Variants in CDH12 observed in about 807,000 individuals in gnomAD.
CDH12 encodes the protein cadherin 12.
In CDH12, 41 loss-of-function variants were observed where a neutral mutation model predicts 74.1. That is an observed-to-expected ratio of 0.55 (90% CI 0.43 to 0.72). The LOEUF is 0.72. CDH12 is among the 30% of genes least tolerant of loss of function. The pLI is 0.00. For missense variants in CDH12, 945 were observed against 977.2 expected, an observed-to-expected ratio of 0.97 and a Z score of 0.44; for synonymous variants, 399 against 355.0, an observed-to-expected ratio of 1.12 and a Z score of -1.39.
chr5:22,424,504 C>G (rs182429072), intron 2 of CDH12, among the ~76,000 whole-genome samples: 6 of 152,270 alleles, frequency 3.9e-5, no homozygotes, highest in Non-Finnish European at 8.8e-5. Context: ...CAACTGCCAC[C>G]AGAAAGTCTA....
At chr5:22,647,735 C>G (rs562120980) in intron 1 of CDH12, among the ~76,000 whole-genome samples, 85 of 151,920 alleles carry the variant, frequency 5.6e-4, no homozygotes, top group African/African-American at 2.0e-3. Context: ...TTAGGGGACA[C>G]AATAGCAAGT....
At chr5:22,045,192 G>A (rs76099655) in intron 5 of CDH12, among the ~76,000 whole-genome samples, 2,722 of 152,238 alleles carry the variant, frequency 0.018, 41 homozygotes, top group African/African-American at 0.04. Context: ...GTGATGAAAT[G>A]CTTAATATAG....
At chr5:22,741,327 A>G (rs1745014611) in intron 1 of CDH12, among the ~76,000 whole-genome samples, 1 of 152,182 alleles carries the variant, frequency 6.6e-6, no homozygotes, top group Non-Finnish European at 1.5e-5. Context: ...TAATTTTAAC[A>G]TGCATGTTTC....
chr5:21,820,077 C>T (rs1203925095), intron 8 of CDH12, among the ~76,000 whole-genome samples: 4 of 151,764 alleles, frequency 2.6e-5, no homozygotes, highest in African/African-American at 9.7e-5. Context: ...GAGTTGAGAT[C>T]CTCCAATATG....
At chr5:21,968,899 G>A (rs1756706942) in intron 6 of CDH12, among the ~76,000 whole-genome samples, 1 of 151,802 alleles carries the variant, frequency 6.6e-6, no homozygotes, top group Non-Finnish European at 1.5e-5. Flanking sequence ...AACACCACGT[G>A]TTGTCTCTTA....
intron 3 of CDH12, among the ~76,000 whole-genome samples, chr5:22,249,631 A>G (rs940775754): frequency 6.6e-5 from 10 of 152,224 alleles, no homozygotes; most frequent in Non-Finnish European, 1.0e-4. Context: ...ATTACAATTC[A>G]GAATGGAATC....
intron 6 of CDH12, among the ~76,000 whole-genome samples, chr5:21,943,947 T>TA (rs753195664): frequency 2.0e-4 from 30 of 151,816 alleles, no homozygotes; most frequent in Non-Finnish European, 3.7e-4. Context: ...CAGTTAGTTA[T>TA]AAAAAAAATA....
At chr5:21,813,458 C>A (rs1233494552) in intron 9 of CDH12, among the ~76,000 whole-genome samples, 1 of 151,854 alleles carries the variant, frequency 6.6e-6, no homozygotes, top group Non-Finnish European at 1.5e-5. Context: ...CCAGCCTGGG[C>A]AACAAGAGCA....
chr5:22,468,327 T>C (rs1300512827), intron 2 of CDH12, among the ~76,000 whole-genome samples: 1 of 152,240 alleles, frequency 6.6e-6, no homozygotes, highest in Non-Finnish European at 1.5e-5. Flanking sequence ...TTTAAGGACA[T>C]ATAACTATTA....
chr5:22,076,235 C>T (rs1356390019), intron 5 of CDH12, among the ~76,000 whole-genome samples: 1 of 152,042 alleles, frequency 6.6e-6, no homozygotes, highest in East Asian at 1.9e-4. Context: ...TTTATAAATA[C>T]TAGTTCCTCT....
chr5:22,493,576 A>C (rs1163080343), intron 2 of CDH12, among the ~76,000 whole-genome samples: 1 of 18,932 alleles, frequency 5.3e-5, no homozygotes, highest in African/African-American at 4.4e-4. Flanking sequence ...TTTTTTGAAA[A>C]ATTTTTTTTT....
At chr5:22,799,209 CT>C (rs1315185429) in intron 1 of CDH12, among the ~76,000 whole-genome samples, 1 of 152,080 alleles carries the variant, frequency 6.6e-6, no homozygotes, top group East Asian at 1.9e-4. Context: ...ATATTTTTTC[CT>C]CTCTGTGTAG....
intron 1 of CDH12, among the ~76,000 whole-genome samples, chr5:22,525,946 A>T (rs1423749663): frequency 1.3e-5 from 2 of 152,200 alleles, no homozygotes; most frequent in African/African-American, 2.4e-5. Flanking sequence ...ACAGAAACTT[A>T]CAGTATTTAT....
chr5:21,843,655 C>T (rs562986662), intron 7 of CDH12, among the ~76,000 whole-genome samples: 2 of 152,166 alleles, frequency 1.3e-5, no homozygotes, highest in East Asian at 3.9e-4. Flanking sequence ...GCTGGGATTA[C>T]AGGCATGCGC....
chr5:22,263,426 G>A (rs1753594564), intron 3 of CDH12, among the ~76,000 whole-genome samples: 1 of 152,100 alleles, frequency 6.6e-6, no homozygotes, highest in South Asian at 2.1e-4. Context: ...GGAGAATGCA[G>A]GAGAAGCCAT....
intron 11 of CDH12, among the ~76,000 whole-genome samples, chr5:21,782,145 T>C (rs1012184356): frequency 3.3e-5 from 5 of 152,008 alleles, no homozygotes; most frequent in African/African-American, 1.2e-4. Flanking sequence ...CTGGGAGGTA[T>C]GGTTGGAAGG....
intron 4 of CDH12, among the ~76,000 whole-genome samples, chr5:22,087,315 G>T (rs1394328316): frequency 1.3e-5 from 2 of 152,048 alleles, no homozygotes; most frequent in Non-Finnish European, 2.9e-5. Context: ...GTCAGACACT[G>T]AACGAGTTTA....
chr5:22,598,849 C>CT (rs1736720533), intron 1 of CDH12, among the ~76,000 whole-genome samples: 1 of 152,130 alleles, frequency 6.6e-6, no homozygotes, highest in Non-Finnish European at 1.5e-5. Context: ...CCATCCCCCT[C>CT]CTTGTATCTC....
intron 4 of CDH12, among the ~76,000 whole-genome samples, chr5:22,116,850 G>T (rs1324529960): frequency 1.4e-5 from 2 of 143,984 alleles, no homozygotes; most frequent in African/African-American, 5.2e-5. Flanking sequence ...CTAGGCTGGA[G>T]CATCTGCAAG....
Sources: allele counts gnomAD v4.1 joint callset (sites outside exome capture counted in the v4.1 genomes callset), GRCh38; gene constraint gnomAD v4.1.1; transcripts MANE v1.5; gene names NCBI Gene and HGNC (gene_info 2026-07-23, HGNC 2026-07-21).